UBR2: variants seen among roughly 807,000 people sequenced by gnomAD.
UBR2 encodes the protein E3 ubiquitin-protein ligase UBR2.
In UBR2, 92 loss-of-function variants were observed where a neutral mutation model predicts 247.9. The ratio of observed to expected loss-of-function variants is 0.37; its 90% CI spans 0.31 to 0.44. The LOEUF (loss-of-function observed/expected upper bound fraction) is 0.44. Among genes scored for constraint, UBR2 ranks in the 20% least tolerant of loss-of-function variants. UBR2 has a pLI of 1.00. For synonymous variants in UBR2, 672 were observed against 693.5 expected (o/e 0.97, Z 0.49); for missense variants, 1,613 against 2,112.6 (o/e 0.76, Z 4.64).
intron 2 of UBR2, among the ~76,000 whole-genome samples, chr6:42,582,298 A>AAAAAC (rs1554239691): frequency 2.0e-5 from 3 of 151,522 alleles, no homozygotes; most frequent in African/African-American, 7.3e-5. Flanking sequence ...AAAAAAAAAA[A>AAAAAC]AAAAACATTT....
intron 1 of UBR2, among the ~76,000 whole-genome samples, chr6:42,566,988 T>G (rs1324057490): frequency 6.6e-6 from 1 of 152,250 alleles, no homozygotes; most frequent in African/African-American, 2.4e-5. Flanking sequence ...TTCAGCTTTT[T>G]TATCACACAT....
chr6:42,663,299 A>C lies in UBR2; in HGVS notation c.3578A>C (p.Gln1193Pro), dbSNP rs767880366. ...CAAGCTAAAGAACAGCGAAGGCAAC[A>C]GAGATTACGCTTACATACGAGCTAT... Reference protein sequence around the residue: ...SVQAKEQRRQQRLRLHTSYDV... With the variant: ...SVQAKEQRRQPRLRLHTSYDV... Residue 1193 changes from glutamine (Q) to proline (P), a missense_variant, in exon 32 of 47, where the codon CAG becomes CCG. Gln to Pro is a moderately conservative substitution (Grantham distance 76, BLOSUM62 -1). Transcript: ENST00000372901. 8 of 1,613,036 alleles carry C rather than the reference A, an allele frequency of 5.0e-6. No individual in the cohort carries two copies. Among genetic ancestry groups the C allele is most frequent in the Non-Finnish European group, 5.9e-6 (7 of 1,179,668 alleles).
intron 2 of UBR2, among the ~76,000 whole-genome samples, chr6:42,583,992 ATTTTTT>A (rs199507142): frequency 2.4e-4 from 29 of 120,594 alleles, no homozygotes; most frequent in African/African-American, 2.9e-4. Context: ...TCCCCATTGA[ATTTTTT>A]TTTTTTTTTT....
intron 42 of UBR2, among the ~76,000 whole-genome samples, chr6:42,680,399 T>A (rs1798970850): frequency 6.6e-6 from 1 of 152,206 alleles, no homozygotes; most frequent in Non-Finnish European, 1.5e-5. Context: ...AATGTTGATT[T>A]CTTTACATGA....
rs143073621 is a variant in UBR2, at chr6:42,653,789, G to T, written c.2769+1144G>T. ...TGTCACGAAGCCCAGCTAATTTTTT[G>T]TATTTTTAGTAGAGACAGGGTTTCA... On this transcript the variant is annotated intron_variant, in intron 25 of 46. Coordinates refer to ENST00000372901, the MANE Select transcript of UBR2 (RefSeq NM_001363705.2). Among the ~76,000 whole-genome samples the T allele has an allele frequency of 4.1e-3, 615 of 151,660 alleles. 4 individuals are homozygous for T. The highest frequency in any genetic ancestry group is 0.014 in the African/African-American group (592 of 41,362).
chr6:42,639,901 G>T (rs749945624), intron 15 of UBR2, among the ~76,000 whole-genome samples: 1 of 151,994 alleles, frequency 6.6e-6, no homozygotes, highest in Non-Finnish European at 1.5e-5. Context: ...GGTGGCGGGT[G>T]CCTGTGGTCC....
At chr6:42,571,242 C>CTA (rs1791115955) in intron 1 of UBR2, among the ~76,000 whole-genome samples, 1 of 39,136 alleles carries the variant, frequency 2.6e-5, no homozygotes, top group Non-Finnish European at 4.8e-5. Flanking sequence ...GACTCCGTCT[C>CTA]AAAAAAAAAA....
At chr6:42,605,007 A>T (rs1793610008) in intron 5 of UBR2, among the ~76,000 whole-genome samples, 1 of 149,828 alleles carries the variant, frequency 6.7e-6, no homozygotes, top group African/African-American at 2.4e-5. Flanking sequence ...AGCCTGGGCG[A>T]CAGAGTGAGA....
chr6:42,564,489 C>A, intron 1 of UBR2, 92 bp downstream of exon 1: 1 of 1,424,994 alleles, frequency 7.0e-7, no homozygotes. Flanking sequence ...AGCAGCCCGA[C>A]CCAGACTTGG....
At position 42,636,909 on chromosome 6, in the gene UBR2, A is replaced by C. The variant is rs79579321; in HGVS notation, c.1675-102A>C. The C allele has an allele frequency of 1.6e-3, 2,026 of 1,294,806 alleles. 12 individuals carry two copies. Among genetic ancestry groups the C allele is most frequent in the African/African-American group, 0.015 (985 of 67,114 alleles). The allele number at this position is 1,294,806 out of a possible 1,614,324, so 80.2% of individuals were successfully genotyped here. A position where few individuals can be genotyped will look rare whatever the true frequency, so the allele number is the denominator to read the frequency against. On this transcript the variant is annotated intron_variant, in intron 14 of 46. Transcript: ENST00000372901. Reference sequence around the variant, plus strand: ...GGGAGGATTGAGTTTGGTTTTGCCTATATTGTTATTTGAGGTACTTACTCA... The same window carrying C: ...GGGAGGATTGAGTTTGGTTTTGCCTCTATTGTTATTTGAGGTACTTACTCA...
At chr6:42,672,979 A>G (rs1343375462) in intron 36 of UBR2, among the ~76,000 whole-genome samples, 2 of 152,256 alleles carry the variant, frequency 1.3e-5, no homozygotes, top group Non-Finnish European at 2.9e-5. Context: ...GAAAAAAGTC[A>G]TCAACTTATC....
chr6:42,637,293 T>G (rs1796157027), intron 15 of UBR2, 99 bp downstream of exon 15: 1 of 1,291,756 alleles, frequency 7.7e-7, no homozygotes, highest in Non-Finnish European at 1.1e-6. Flanking sequence ...GATGTTATTC[T>G]GTGATTTCTA....
At chr6:42,609,144 CAAT>C (rs1793904064) in intron 7 of UBR2, among the ~76,000 whole-genome samples, 1 of 152,130 alleles carries the variant, frequency 6.6e-6, no homozygotes, top group African/African-American at 2.4e-5. Flanking sequence ...ACATGCTTAA[CAAT>C]AAATTGCTAC....
intron 7 of UBR2, among the ~76,000 whole-genome samples, chr6:42,611,679 G>A (rs1794095719): frequency 6.6e-6 from 1 of 152,032 alleles, no homozygotes; most frequent in Admixed American, 6.5e-5. Flanking sequence ...ACTGAGGCAG[G>A]TGGATCACTT....
intron 8 of UBR2, among the ~76,000 whole-genome samples, chr6:42,613,058 G>T (rs1014230338): frequency 5.3e-5 from 8 of 151,860 alleles, no homozygotes; most frequent in African/African-American, 1.9e-4. Context: ...CCAACATCAC[G>T]CCACTTTGCT....
chr6:42,615,178 G>A lies in UBR2; in HGVS notation c.1093G>A (p.Gly365Ser). Reference protein sequence around the residue: ...LMLSDSKLWKGARSVYHQLFM... With the variant: ...LMLSDSKLWKSARSVYHQLFM... ...GCTTAGTGATTCCAAATTATGGAAA[G>A]GTGAATCTCTTAACTACTTTTAAGG... Residue 365 changes from glycine to serine, a missense_variant and splice_region_variant, in exon 9 of 47, where the codon GGT becomes AGT. By Grantham distance (56) the Gly-to-Ser change is moderately conservative (BLOSUM62 0). This residue lies in a region of UBR2 where 1,524 missense variants were observed against 1,967.3 expected (regional missense o/e 0.77). Coordinates refer to ENST00000372901, the MANE Select transcript of UBR2 (RefSeq NM_001363705.2). 1 of 1,608,274 alleles carries A rather than the reference G, an allele frequency of 6.2e-7. No individual in the cohort carries two copies. The highest frequency in any genetic ancestry group is 8.5e-7 in the Non-Finnish European group (1 of 1,177,134).
At chr6:42,571,242 C>CAAAA (rs774925925) in intron 1 of UBR2, among the ~76,000 whole-genome samples, 5 of 39,126 alleles carry the variant, frequency 1.3e-4, no homozygotes, top group Admixed American at 3.4e-4. Context: ...GACTCCGTCT[C>CAAAA]AAAAAAAAAA....
rs746942642 is a variant in UBR2 at position 42,640,173 on chromosome 6, A to G, written c.1859-36A>G. 12 of 1,552,748 alleles carry G rather than the reference A, an allele frequency of 7.7e-6. No homozygotes were observed. The South Asian group carries it at 1.3e-4, about 17-fold the overall frequency. ...TATTTTTCCTAAATGATTTTTACTGATAGAAATACTGTTTTTTGTTTGTTC... is the reference window on the plus strand; with the variant it reads ...TATTTTTCCTAAATGATTTTTACTGGTAGAAATACTGTTTTTTGTTTGTTC... On this transcript the variant is annotated intron_variant, in intron 15 of 46. Coordinates refer to ENST00000372901, the MANE Select transcript of UBR2 (RefSeq NM_001363705.2).
At chr6:42,572,610 C>T (rs1411173403) in intron 1 of UBR2, among the ~76,000 whole-genome samples, 2 of 151,838 alleles carry the variant, frequency 1.3e-5, no homozygotes, top group Non-Finnish European at 1.5e-5. Flanking sequence ...GGGTAGTGAG[C>T]ATAGTACCCA....
Sources: allele counts gnomAD v4.1 joint callset (sites outside exome capture counted in the v4.1 genomes callset), GRCh38; gene constraint gnomAD v4.1.1; regional missense constraint gnomAD v4.1.1; transcripts MANE v1.5; gene names NCBI Gene and HGNC (gene_info 2026-07-23, HGNC 2026-07-21).